Variants in NIPAL1 observed in about 807,000 individuals in gnomAD.
NIPAL1 encodes magnesium transporter NIPA3.
A neutral mutation model predicts 37.7 loss-of-function variants in NIPAL1; 35 were observed. The observed-to-expected ratio is 0.93, with a 90% confidence interval of 0.71 to 1.23. The LOEUF (loss-of-function observed/expected upper bound fraction) is 1.23, where lower values mean the gene tolerates loss of function less well. NIPAL1 is among the 50% of genes most tolerant of loss of function. The pLI is 0.00. For missense variants in NIPAL1, 412 were observed against 473.9 expected, an observed-to-expected ratio of 0.87 and a Z score of 1.21; for synonymous variants, 162 against 183.0, an observed-to-expected ratio of 0.89 and a Z score of 0.93.
chr4:48,029,543 A>G (rs561252809), intron 2 of NIPAL1, among the ~76,000 whole-genome samples: 1 of 152,312 alleles, frequency 6.6e-6, no homozygotes, highest in East Asian at 1.9e-4. Flanking sequence ...TTTATGTAAC[A>G]CAACTACACT....
At chr4:48,029,421 A>G (rs563912452) in intron 2 of NIPAL1, among the ~76,000 whole-genome samples, 20 of 152,296 alleles carry the variant, frequency 1.3e-4, no homozygotes, top group African/African-American at 4.6e-4. Context: ...AGAGATTCCA[A>G]AAGGTGGGAG....
chr4:48,030,247 T>C, intron 3 of NIPAL1, 71 bp downstream of exon 3: 1 of 949,654 alleles, frequency 1.1e-6, no homozygotes, highest in Non-Finnish European at 1.7e-6. Context: ...TTTTTCATAA[T>C]TGGTTAATCT....
In NIPAL1 at chr4:48,039,649, A is replaced by G. The variant is rs757397159; in HGVS notation, c.*3477A>G. Reference sequence around the variant, plus strand: ...TATTTATTATAAGTTCAGATTGCACAATTTTCATAAGACCCTTTGGATTTA... The same window carrying G: ...TATTTATTATAAGTTCAGATTGCACGATTTTCATAAGACCCTTTGGATTTA... On this transcript the variant is annotated 3_prime_UTR_variant, in exon 6 of 6. Coordinates refer to ENST00000295461, the MANE Select transcript of NIPAL1 (RefSeq NM_207330.3). 9.9e-5 allele frequency: 15 copies of G among 152,246 alleles called. No individual in the cohort carries two copies. The highest frequency in any genetic ancestry group is 1.4e-4 in the African/African-American group (6 of 41,462). The allele number at this position is 152,246 out of a possible 1,614,324, so 9.4% of individuals were successfully genotyped here.
rs1715655409 is a variant in NIPAL1 at position 48,025,058 on chromosome 4, T to C, written c.47-10T>C. 6.2e-7 allele frequency: 1 copy of C among 1,608,926 alleles called. No individual in the cohort carries two copies. The highest frequency in any genetic ancestry group is 8.5e-7 in the Non-Finnish European group (1 of 1,176,474). ...TCATTCCTGACATTCTCTTCTTTCC[T>C]TTTTTCCAGGATATGTGCTGTCTCT... On this transcript the variant is annotated splice_polypyrimidine_tract_variant and intron_variant, in intron 1 of 5. Transcript: ENST00000295461.
intron 3 of NIPAL1, among the ~76,000 whole-genome samples, chr4:48,031,866 G>C (rs983363484): frequency 2.0e-5 from 3 of 152,002 alleles, no homozygotes; most frequent in African/African-American, 7.3e-5. Flanking sequence ...AGCCTCCAGA[G>C]TAGCTGGGAT....
At chr4:48,020,779 A>T (rs528169764) in intron 1 of NIPAL1, among the ~76,000 whole-genome samples, 5 of 152,326 alleles carry the variant, frequency 3.3e-5, no homozygotes, top group African/African-American at 9.6e-5. Context: ...GGGAAAGGTA[A>T]GGGGCTGAAT....
rs975336389 is a variant in NIPAL1, at chr4:48,027,762, T to C, written c.314-2358T>C. On this transcript the variant is annotated intron_variant, in intron 2 of 5. Transcript: ENST00000295461. This position sits in a 1 kb window ranked among gnomAD's most constrained non-coding sequence, Gnocchi z 4.1. ...TAACCTTTTGAATACCTTAAAAACA[T>C]TTTGTCCTTTTCAGTAGACAAAACA... 1.3e-5 allele frequency among the ~76,000 whole-genome samples: 2 copies of C among 152,208 alleles called. No homozygotes were observed. The highest frequency in any genetic ancestry group is 4.8e-5 in the African/African-American group (2 of 41,462).
chr4:48,020,695 C>T (rs1156846256), intron 1 of NIPAL1, among the ~76,000 whole-genome samples: 1 of 152,150 alleles, frequency 6.6e-6, no homozygotes, highest in African/African-American at 2.4e-5. Flanking sequence ...AGCTTCATAT[C>T]ACTTCTGCTG....
At chr4:48,030,339 A>G (rs4694879) in intron 3 of NIPAL1, among the ~76,000 whole-genome samples, 163 bp downstream of exon 3, 50,581 of 151,912 alleles carry the variant, frequency 0.33, 8,680 homozygotes, top group South Asian at 0.48. Flanking sequence ...ATATACTATT[A>G]TATATAAATA....
intron 2 of NIPAL1, among the ~76,000 whole-genome samples, chr4:48,028,172 A>G (rs1414117015): frequency 6.6e-6 from 1 of 152,222 alleles, no homozygotes; most frequent in African/African-American, 2.4e-5. Context: ...GTACCTTCAA[A>G]TTATACTATA....
intron 1 of NIPAL1, among the ~76,000 whole-genome samples, chr4:48,024,078 T>A (rs1715632484): frequency 6.6e-6 from 1 of 151,354 alleles, no homozygotes; most frequent in East Asian, 2.0e-4. Context: ...GTTCAAGTGA[T>A]TCTCCTGCCT....
intron 1 of NIPAL1, among the ~76,000 whole-genome samples, chr4:48,017,490 A>ACT (rs200399417): frequency 2.0e-5 from 1 of 51,210 alleles, no homozygotes; most frequent in African/African-American, 4.4e-5. Flanking sequence ...CTGTGCAGTC[A>ACT]CTCTGGCTGC....
In NIPAL1 at chr4:48,039,810, A is replaced by T. The variant is rs1426291869; in HGVS notation, c.*3638A>T. The T allele has an allele frequency of 1.3e-5, 2 of 152,218 alleles. No homozygotes were observed. The highest frequency in any genetic ancestry group is 4.8e-5 in the African/African-American group (2 of 41,468). 9.4% of individuals were successfully genotyped at this position (152,218 alleles called of 1,614,324 possible). A position where few individuals can be genotyped will look rare whatever the true frequency, so the allele number is the denominator to read the frequency against. On this transcript the variant is annotated 3_prime_UTR_variant, in exon 6 of 6. Transcript: ENST00000295461. The stretch of plus-strand genomic sequence containing the variant: ...AATTCTTACAGTCTTGTCACTAGAG[A>T]CTTAAAAGGACCATTGAGTGCCTAT...
intron 1 of NIPAL1, among the ~76,000 whole-genome samples, chr4:48,023,665 T>A (rs1204225469): frequency 6.6e-6 from 1 of 152,198 alleles, no homozygotes; most frequent in Non-Finnish European, 1.5e-5. Context: ...TATAAAAAGT[T>A]TCTTACATAG....
chr4:48,025,424 T>G (rs1362048221), intron 2 of NIPAL1, 90 bp downstream of exon 2: 1 of 1,271,140 alleles, frequency 7.9e-7, no homozygotes, highest in African/African-American at 1.5e-5. Context: ...TAAACTTGCT[T>G]GTGTAATTAT....
chr4:48,026,811 C>A (rs1715702842), intron 2 of NIPAL1, among the ~76,000 whole-genome samples: 1 of 151,800 alleles, frequency 6.6e-6, no homozygotes, highest in African/African-American at 2.4e-5. Flanking sequence ...CTCCACCTCC[C>A]AGGTTCAAGC....
Position 48,039,940 on chromosome 4 carries a change from C to T in NIPAL1, c.*3768C>T, listed in dbSNP as rs1157116493. 6.6e-6 allele frequency: 1 copy of T among 151,994 alleles called. No individual in the cohort carries two copies. Among genetic ancestry groups the T allele is most frequent in the African/African-American group, 2.4e-5 (1 of 41,378 alleles). 9.4% of individuals were successfully genotyped at this position (151,994 alleles called of 1,614,324 possible). ...TCTCAACACCAATACAAAATTATTC[C>T]AATAAAAATATTTTTCTTAATAAAA... On this transcript the variant is annotated 3_prime_UTR_variant, in exon 6 of 6. Transcript: ENST00000295461.
chr4:48,025,410 C>A, intron 2 of NIPAL1, 76 bp downstream of exon 2: 1 of 1,353,292 alleles, frequency 7.4e-7, no homozygotes, highest in South Asian at 1.3e-5. Context: ...CAGCAATACT[C>A]TTATAAACTT....
In NIPAL1 at chr4:48,033,153, A is replaced by G; in HGVS notation, c.461+70A>G. ...CCAAGATAAACTTAAACCATAATAA[A>G]CATATGGCTATGGATATCTAAAAGC... On this transcript the variant is annotated intron_variant, in intron 4 of 5. Coordinates refer to ENST00000295461, the MANE Select transcript of NIPAL1 (RefSeq NM_207330.3). 9.4e-6 allele frequency: 9 copies of G among 955,912 alleles called. No individual in the cohort carries two copies. The South Asian group carries it at 1.3e-4, about 13-fold the overall frequency. 59.2% of individuals were successfully genotyped at this position (955,912 alleles called of 1,614,324 possible).
Sources: allele counts gnomAD v4.1 joint callset (sites outside exome capture counted in the v4.1 genomes callset), GRCh38; gene constraint gnomAD v4.1.1; non-coding constraint Gnocchi (gnomAD v3.1); transcripts MANE v1.5; gene names NCBI Gene and HGNC (gene_info 2026-07-23, HGNC 2026-07-21).